RB1CC1: variants seen among roughly 807,000 people sequenced by gnomAD.
RB1CC1 encodes the protein RB1 inducible coiled-coil 1.
In RB1CC1, 46 loss-of-function variants were observed where a neutral mutation model predicts 177.5. The ratio of observed to expected loss-of-function variants is 0.26; its 90% CI spans 0.20 to 0.33. RB1CC1 has a LOEUF of 0.33. Ranked by LOEUF, RB1CC1 falls within the 10% of genes least tolerant of loss-of-function variation. The probability of loss-of-function intolerance (pLI) is 1.00; values close to 1 mark genes in which losing one functional copy is unlikely to be tolerated. For synonymous variants in RB1CC1, 666 were observed against 613.6 expected (o/e 1.09, Z -1.26); for missense variants, 1,703 against 1,816.3 (o/e 0.94, Z 1.13).
intron 1 of RB1CC1, among the ~76,000 whole-genome samples, chr8:52,710,283 TC>T (rs748463954): frequency 1.3e-5 from 2 of 152,168 alleles, no homozygotes; most frequent in Non-Finnish European, 2.9e-5. Context: ...AGTTCAGACT[TC>T]CTAAATATAC....
chr8:52,713,755 G>A (rs2150742527), intron 1 of RB1CC1, among the ~76,000 whole-genome samples: 1 of 152,380 alleles, frequency 6.6e-6, no homozygotes, highest in South Asian at 2.1e-4. Context: ...AGCGCAGAGG[G>A]AGGGATCCCA....
At position 52,674,031 on chromosome 8, in the gene RB1CC1, A is replaced by G; in HGVS notation, c.816T>C (p.Ala272=). The G allele has an allele frequency of 1.2e-6, 2 of 1,614,186 alleles. No homozygotes were observed. The highest frequency in any genetic ancestry group is 1.7e-6 in the Non-Finnish European group (2 of 1,180,026). Residue 272 remains alanine, a synonymous_variant, in exon 7 of 24, where the codon GCT becomes GCC. Transcript: ENST00000025008. Reference sequence around the variant, plus strand: ...ATTCCCTAATTTCTTTGCCACTTTCAGCATCTGCGGTATCTGGGGACACAT... The same window carrying G: ...ATTCCCTAATTTCTTTGCCACTTTCGGCATCTGCGGTATCTGGGGACACAT... ...VEHVSPDTAD[A]ESGKEIRESC...
rs556391233 is a variant in RB1CC1 at position 52,681,954 on chromosome 8, T to A, written c.369+1595A>T. ...GTGGGGTCGGAGCCCCCACACAGAG[T>A]CCCTACTGGGGGCACTCCCTAGTGG... On this transcript the variant is annotated intron_variant, in intron 5 of 23. Transcript: ENST00000025008. 3.3e-5 allele frequency among the ~76,000 whole-genome samples: 5 copies of A among 151,692 alleles called. 1 individual carries two copies. The highest frequency in any genetic ancestry group is 3.3e-4 in the Admixed American group (5 of 15,234).
At chr8:52,624,110 G>C (rs1226079547) in intron 23 of RB1CC1, among the ~76,000 whole-genome samples, 2 of 151,858 alleles carry the variant, frequency 1.3e-5, no homozygotes, top group African/African-American at 2.4e-5. Flanking sequence ...GAAAGACAAA[G>C]TTGGTAGCCA....
chr8:52,637,810 A>G (rs1416055422), intron 18 of RB1CC1, among the ~76,000 whole-genome samples: 4 of 151,642 alleles, frequency 2.6e-5, no homozygotes, highest in Non-Finnish European at 5.9e-5. Flanking sequence ...AGCTGGAATT[A>G]CAGGTGCCCA....
At chr8:52,698,448 G>C (rs1335336384) in intron 1 of RB1CC1, among the ~76,000 whole-genome samples, 4 of 151,260 alleles carry the variant, frequency 2.6e-5, no homozygotes, top group African/African-American at 7.3e-5. Flanking sequence ...TCAGCCTCCC[G>C]AGTAGCTGGG....
At chr8:52,640,141 A>G (rs1477063370) in intron 18 of RB1CC1, among the ~76,000 whole-genome samples, 1 of 152,122 alleles carries the variant, frequency 6.6e-6, no homozygotes, top group East Asian at 1.9e-4. Flanking sequence ...GAATAACTCA[A>G]TTTTCATATT....
At position 52,658,869 on chromosome 8, in the gene RB1CC1, T is replaced by C; in HGVS notation, c.1793+4A>G. On this transcript the variant is annotated splice_donor_region_variant and intron_variant, in intron 13 of 23. Transcript: ENST00000025008. The stretch of plus-strand genomic sequence containing the variant: ...AATTAACTGAAAATACTAATGACAT[T>C]TACCTGAGGAATGGCTGAACTTCCG... 2 of 1,545,092 alleles carry C rather than the reference T, an allele frequency of 1.3e-6. No individual in the cohort carries two copies. Among genetic ancestry groups the C allele is most frequent in the African/African-American group, 1.4e-5 (1 of 71,960 alleles).
At chr8:52,705,445 G>A (rs1856460296) in intron 1 of RB1CC1, among the ~76,000 whole-genome samples, 1 of 152,138 alleles carries the variant, frequency 6.6e-6, no homozygotes, top group Non-Finnish European at 1.5e-5. Context: ...ATTAAAATGA[G>A]TGCTAAGTGT....
chr8:52,672,712 T>C (rs1433044401), intron 7 of RB1CC1, among the ~76,000 whole-genome samples: 3 of 152,122 alleles, frequency 2.0e-5, no homozygotes, highest in Non-Finnish European at 4.4e-5. Context: ...GCCACTGTAC[T>C]CCGGCCTGGG....
At chr8:52,646,356 T>A (rs902293099) in intron 15 of RB1CC1, among the ~76,000 whole-genome samples, 2 of 152,072 alleles carry the variant, frequency 1.3e-5, no homozygotes, top group African/African-American at 4.8e-5. Flanking sequence ...TGGTGCATGC[T>A]GAGGTAGGAG....
intron 1 of RB1CC1, among the ~76,000 whole-genome samples, chr8:52,700,162 G>C (rs1855919692): frequency 6.6e-6 from 1 of 151,904 alleles, no homozygotes; most frequent in Non-Finnish European, 1.5e-5. Flanking sequence ...GATGGGAAGA[G>C]GTAACTGAAA....
At chr8:52,659,977 A>G (rs993637239) in intron 12 of RB1CC1, among the ~76,000 whole-genome samples, 2 of 152,236 alleles carry the variant, frequency 1.3e-5, no homozygotes, top group Admixed American at 6.5e-5. Context: ...AGCCTGGACA[A>G]CAGAGCAAGA....
intron 6 of RB1CC1, among the ~76,000 whole-genome samples, chr8:52,674,681 T>A (rs940068702): frequency 5.3e-5 from 8 of 150,978 alleles, no homozygotes; most frequent in Non-Finnish European, 1.0e-4. Context: ...GGCACAAGAA[T>A]CGCTTGAACC....
rs548931632 is a variant in RB1CC1, at chr8:52,657,773, G to A, written c.2056C>T (p.Pro686Ser). Residue 686 changes from proline to serine, a missense_variant, in exon 15 of 24, where the codon CCC becomes TCC. By Grantham distance (74) the Pro-to-Ser change is moderately conservative (BLOSUM62 -1). Coordinates refer to ENST00000025008, the MANE Select transcript of RB1CC1 (RefSeq NM_014781.5). ...CTATCTGGAGATAATTCTTCTAAGG[G>A]ACAAACTGCAGGACATAAGGGATCC... ...VQDPLCPAVC[P>S]LEELSPDSID... 1.2e-6 allele frequency: 2 copies of A among 1,613,870 alleles called. No homozygotes were observed. The highest frequency in any genetic ancestry group is 1.1e-5 in the South Asian group (1 of 91,062).
intron 3 of RB1CC1, among the ~76,000 whole-genome samples, chr8:52,684,673 T>C (rs915754198): frequency 2.0e-5 from 3 of 152,172 alleles, no homozygotes; most frequent in Admixed American, 6.5e-5. Flanking sequence ...AATAAACCTA[T>C]TGACATTTAT....
intron 1 of RB1CC1, among the ~76,000 whole-genome samples, chr8:52,694,451 T>A (rs1268431729): frequency 6.6e-6 from 1 of 152,200 alleles, no homozygotes; most frequent in Non-Finnish European, 1.5e-5. Context: ...CCTGGATGGC[T>A]CATCCCGGAC....
chr8:52,656,502 T>C lies in RB1CC1; in HGVS notation c.3327A>G (p.Gln1109=). ...NLRTEISKLN[Q]KIQDNNENYQ... ...AATTTTCATTATTATCCTGAATCTT[T>C]TGGTTGAGTTTACTAATTTCTGTTC... Residue 1109 remains glutamine (Q), a synonymous_variant, in exon 15 of 24, where the codon CAA becomes CAG. Coordinates refer to ENST00000025008, the MANE Select transcript of RB1CC1 (RefSeq NM_014781.5). The C allele has an allele frequency of 4.3e-6, 7 of 1,611,242 alleles. No individual in the cohort carries two copies. The highest frequency in any genetic ancestry group is 4.2e-6 in the Non-Finnish European group (5 of 1,179,682).
chr8:52,679,235 C>T (rs1019190608), intron 5 of RB1CC1, among the ~76,000 whole-genome samples: 3 of 152,178 alleles, frequency 2.0e-5, no homozygotes, highest in Non-Finnish European at 2.9e-5. Flanking sequence ...AAGCTACATA[C>T]CTCCCTCACA....
Sources: allele counts gnomAD v4.1 joint callset (sites outside exome capture counted in the v4.1 genomes callset), GRCh38; gene constraint gnomAD v4.1.1; transcripts MANE v1.5; gene names NCBI Gene and HGNC (gene_info 2026-07-23, HGNC 2026-07-21).